Variants in SLC4A4 observed in about 807,000 individuals in gnomAD.
SLC4A4 encodes the protein electrogenic sodium bicarbonate cotransporter 1.
In SLC4A4, 27 loss-of-function variants were observed where a neutral mutation model predicts 111.5. The ratio of observed to expected loss-of-function variants is 0.24; its 90% CI spans 0.18 to 0.33. The LOEUF (loss-of-function observed/expected upper bound fraction) is 0.33, where lower values mean the gene tolerates loss of function less well. Ranked by LOEUF, SLC4A4 falls within the 10% of genes least tolerant of loss-of-function variation. The pLI is 1.00. For missense variants in SLC4A4, 909 were observed against 1,315.5 expected, an observed-to-expected ratio of 0.69 and a Z score of 4.78; for synonymous variants, 443 against 463.4, an observed-to-expected ratio of 0.96 and a Z score of 0.57.
chr4:71,100,042 C>T (rs12504098), intron 2 of SLC4A4, among the ~76,000 whole-genome samples: 2,501 of 152,280 alleles, frequency 0.016, 202 homozygotes, highest in Admixed American at 0.14. Flanking sequence ...GGGCTGGTAT[C>T]ATTCCTACTG....
chr4:71,282,586 A>ATT (rs529921131), intron 3 of SLC4A4, among the ~76,000 whole-genome samples: 1 of 142,036 alleles, frequency 7.0e-6, no homozygotes, highest in Non-Finnish European at 1.5e-5. Context: ...CACCCAGCTG[A>ATT]TTTTTTTTTT....
intron 4 of SLC4A4, among the ~76,000 whole-genome samples, chr4:71,341,384 G>C (rs377051300): frequency 9.7e-4 from 147 of 152,190 alleles, no homozygotes; most frequent in African/African-American, 3.3e-3. Context: ...GTTATAGATG[G>C]AAAAAGTATT....
At chr4:71,084,711 A>G (rs1459193833) in intron 1 of SLC4A4, among the ~76,000 whole-genome samples, 1 of 152,022 alleles carries the variant, frequency 6.6e-6, no homozygotes, top group African/African-American at 2.4e-5. Flanking sequence ...AGCTTCATCC[A>G]TGTCCCTACA....
intron 6 of SLC4A4, among the ~76,000 whole-genome samples, chr4:71,394,964 T>C (rs1000921336): frequency 1.3e-5 from 2 of 152,052 alleles, no homozygotes; most frequent in Non-Finnish European, 2.9e-5. Context: ...ACAACAAATA[T>C]GGTGCAGTAT....
chr4:71,233,014 C>T (rs879936048), intron 1 of SLC4A4, among the ~76,000 whole-genome samples: 2 of 152,198 alleles, frequency 1.3e-5, no homozygotes, highest in Non-Finnish European at 1.5e-5. Flanking sequence ...TGTTGTGCTT[C>T]TGAGGTCTTT....
At chr4:71,248,899 C>T (rs1412553656) in intron 2 of SLC4A4, among the ~76,000 whole-genome samples, 4 of 152,138 alleles carry the variant, frequency 2.6e-5, no homozygotes, top group African/African-American at 7.2e-5. Context: ...CAGATGCATA[C>T]GTTTGCTGAG....
At chr4:71,541,748 G>C (rs1735087842) in intron 18 of SLC4A4, among the ~76,000 whole-genome samples, 1 of 151,654 alleles carries the variant, frequency 6.6e-6, no homozygotes, top group Admixed American at 6.6e-5. Flanking sequence ...GGGGAGCTGA[G>C]TGGAAAGGGA....
At chr4:71,250,835 C>T (rs1479575769) in intron 2 of SLC4A4, among the ~76,000 whole-genome samples, 1 of 152,110 alleles carries the variant, frequency 6.6e-6, no homozygotes, top group Non-Finnish European at 1.5e-5. Context: ...AGAACAGAGA[C>T]ATATTTCTCC....
At chr4:71,068,528 A>G (rs1383471120) in intron 1 of SLC4A4, among the ~76,000 whole-genome samples, 1 of 150,852 alleles carries the variant, frequency 6.6e-6, no homozygotes, top group Non-Finnish European at 1.5e-5. Flanking sequence ...TCATCACCAT[A>G]CATTAGTTTT....
chr4:71,289,098 C>A (rs1278489267), intron 3 of SLC4A4, among the ~76,000 whole-genome samples: 1 of 151,910 alleles, frequency 6.6e-6, no homozygotes, highest in Non-Finnish European at 1.5e-5. Flanking sequence ...AGGTTGGGAG[C>A]CAGGATTCCA....
chr4:71,221,861 T>C (rs941290050), intron 1 of SLC4A4, among the ~76,000 whole-genome samples: 1 of 152,164 alleles, frequency 6.6e-6, no homozygotes, highest in Non-Finnish European at 1.5e-5. Flanking sequence ...TAAGGTGTGT[T>C]GATTCATTTT....
chr4:71,162,453 T>A (rs1432634161), intron 2 of SLC4A4, among the ~76,000 whole-genome samples: 1 of 152,216 alleles, frequency 6.6e-6, no homozygotes, highest in Non-Finnish European at 1.5e-5. Flanking sequence ...GTACTCTTAA[T>A]CAGACAATTC....
Position 71,118,637 on chromosome 4 carries a change from T to C in SLC4A4, c.-2+25845T>C, listed in dbSNP as rs536206576. Among the ~76,000 whole-genome samples the C allele has an allele frequency of 1.0e-3, 155 of 152,326 alleles. 1 individual carries two copies. Among genetic ancestry groups the C allele is most frequent in the South Asian group, 1.4e-3 (7 of 4,828 alleles). Reference sequence around the variant, plus strand: ...TATTTTTGCTTTTCTGGAAATATCTTTATTTGCCTTTATCTTTGACAGATT... The same window carrying C: ...TATTTTTGCTTTTCTGGAAATATCTCTATTTGCCTTTATCTTTGACAGATT... On this transcript the variant is annotated intron_variant, in intron 2 of 26. Coordinates refer to the SLC4A4 transcript ENST00000649996.
chr4:71,480,837 A>T (rs187795912), intron 14 of SLC4A4, among the ~76,000 whole-genome samples: 2 of 151,846 alleles, frequency 1.3e-5, no homozygotes, highest in East Asian at 2.0e-4. Context: ...ATATTTATTA[A>T]GCACCATCCA....
intron 2 of SLC4A4, among the ~76,000 whole-genome samples, chr4:71,168,177 CTTTTTTT>C (rs777092928): frequency 1.9e-5 from 2 of 106,242 alleles, no homozygotes; most frequent in East Asian, 2.4e-4. Context: ...CAATTATACT[CTTTTTTT>C]TTTTTTTTTT....
intron 1 of SLC4A4, among the ~76,000 whole-genome samples, chr4:71,088,580 G>T (rs368193460): frequency 6.6e-6 from 1 of 151,972 alleles, no homozygotes; most frequent in Non-Finnish European, 1.5e-5. Context: ...TCCTTCAGGA[G>T]CTCTTTTTGG....
chr4:71,419,541 T>C (rs1007532882), intron 7 of SLC4A4, among the ~76,000 whole-genome samples: 4 of 152,220 alleles, frequency 2.6e-5, no homozygotes, highest in Non-Finnish European at 4.4e-5. Context: ...TTTTTAAGCC[T>C]GTCGGAAAAG....
At chr4:71,302,508 A>G (rs1725355191) in intron 3 of SLC4A4, among the ~76,000 whole-genome samples, 1 of 152,244 alleles carries the variant, frequency 6.6e-6, no homozygotes, top group Non-Finnish European at 1.5e-5. Flanking sequence ...AGTATAAAGC[A>G]GCAAACTGTG....
chr4:71,152,873 G>A (rs1195830194), intron 2 of SLC4A4, among the ~76,000 whole-genome samples: 4 of 151,058 alleles, frequency 2.6e-5, no homozygotes, highest in African/African-American at 9.7e-5. Flanking sequence ...TAAATAAAAG[G>A]AAGAATTATT....
Sources: allele counts gnomAD v4.1 joint callset (sites outside exome capture counted in the v4.1 genomes callset), GRCh38; gene constraint gnomAD v4.1.1; transcripts MANE v1.5; gene names NCBI Gene and HGNC (gene_info 2026-07-23, HGNC 2026-07-21).